Variants in PCM1 observed in about 807,000 individuals in gnomAD.
PCM1 encodes the protein pericentriolar material 1 protein.
A neutral mutation model predicts 241.9 loss-of-function variants in PCM1; 157 were observed. The observed-to-expected ratio is 0.65, with a 90% CI of 0.57 to 0.74. The LOEUF (loss-of-function observed/expected upper bound fraction) is 0.74. PCM1 is among the 30% of genes least tolerant of loss of function. The pLI is 0.00. For missense variants in PCM1, 3,478 were observed against 2,360.1 expected, an observed-to-expected ratio of 1.47 and a Z score of -9.81; for synonymous variants, 1,085 against 784.9, an observed-to-expected ratio of 1.38 and a Z score of -6.39.
Position 17,993,603 on chromosome 8 carries a change from T to A in PCM1, c.4811T>A (p.Val1604Asp), listed in dbSNP as rs780514981. 1 of 1,586,272 alleles carries A rather than the reference T, an allele frequency of 6.3e-7. No individual in the cohort carries two copies. Among genetic ancestry groups the A allele is most frequent in the Non-Finnish European group, 8.6e-7 (1 of 1,165,466 alleles). Reference sequence around the variant, plus strand: ...CAAATTAAAGCAATTATGAAAGAAGTCATTCCTTTTTTGAAGGTAAGCAAT... The same window carrying A: ...CAAATTAAAGCAATTATGAAAGAAGACATTCCTTTTTTGAAGGTAAGCAAT... ...DRQIKAIMKE[V>D]IPFLKEHMDE... The change falls in exon 29 of 39, where the codon GTC becomes GAC. Residue 1604 changes from valine to aspartate, a missense_variant. Transcript: ENST00000325083.
At chr8:18,011,881 C>G (rs1588477859) in intron 34 of PCM1, 54 bp downstream of exon 34, 1 of 1,454,328 alleles carries the variant, frequency 6.9e-7, no homozygotes. Context: ...ACTAATCAAA[C>G]TTCCATCAGC....
In PCM1 at chr8:17,974,907, A is replaced by G. The variant is rs1176101717; in HGVS notation, c.3943+2220A>G. On this transcript the variant is annotated intron_variant, in intron 23 of 38. Coordinates refer to ENST00000325083, the MANE Select transcript of PCM1 (RefSeq NM_006197.4). ...CACACACACACAAATAAAAGGCTTGATAGCAGAATCAAACTATACATAGCA... is the reference window on the plus strand; with the variant it reads ...CACACACACACAAATAAAAGGCTTGGTAGCAGAATCAAACTATACATAGCA... Among the ~76,000 whole-genome samples the G allele has an allele frequency of 2.0e-5, 3 of 152,032 alleles. No individual in the cohort carries two copies. In the South Asian group the frequency reaches 6.2e-4, roughly 32 times the overall value.
chr8:18,026,858 T>C (rs1423539715), intron 38 of PCM1, among the ~76,000 whole-genome samples: 1 of 152,230 alleles, frequency 6.6e-6, no homozygotes, highest in Admixed American at 6.5e-5. Flanking sequence ...ACCCATATTC[T>C]TACATTACTA....
At chr8:17,951,972 C>G (rs1489544906) in intron 8 of PCM1, among the ~76,000 whole-genome samples, 1 of 152,010 alleles carries the variant, frequency 6.6e-6, no homozygotes, top group Non-Finnish European at 1.5e-5. Context: ...CCTGTAATCC[C>G]AGCACTTTGG....
intron 29 of PCM1, among the ~76,000 whole-genome samples, chr8:17,995,037 C>A (rs1339419774): frequency 7.9e-5 from 12 of 151,314 alleles, no homozygotes; most frequent in Non-Finnish European, 7.4e-5. Context: ...TTGATGTGAT[C>A]CCATTTGTCT....
chr8:17,980,616 C>G lies in PCM1; in HGVS notation c.3969C>G (p.Ser1323Arg). 1.2e-6 allele frequency: 2 copies of G among 1,608,994 alleles called. No individual in the cohort carries two copies. The highest frequency in any genetic ancestry group is 1.7e-6 in the Non-Finnish European group (2 of 1,178,076). The change falls in exon 24 of 39, where the codon AGC becomes AGG. Residue 1323 changes from serine (S) to arginine (R), a missense_variant. Coordinates refer to ENST00000325083, the MANE Select transcript of PCM1 (RefSeq NM_006197.4). ...NIRYESASMSSTCEPCKSRNR... is the reference protein window; with the variant it reads ...NIRYESASMSRTCEPCKSRNR... ...GGTATGAAAGTGCCAGTATGTCTAG[C>G]ACATGTGAACCTTGCAAAAGTAGGA...
At chr8:17,987,087 C>G (rs1253982078) in intron 26 of PCM1, among the ~76,000 whole-genome samples, 1 of 151,820 alleles carries the variant, frequency 6.6e-6, no homozygotes, top group East Asian at 1.9e-4. Flanking sequence ...CCACTGGACT[C>G]TGACTCCTTT....
chr8:17,999,208 C>T (rs1265638110), intron 29 of PCM1, among the ~76,000 whole-genome samples: 1 of 152,004 alleles, frequency 6.6e-6, no homozygotes, highest in African/African-American at 2.4e-5. Flanking sequence ...TTTTCTCAAG[C>T]AGAAGGAATC....
chr8:17,990,855 C>A (rs1433711792), intron 27 of PCM1, among the ~76,000 whole-genome samples: 1 of 152,050 alleles, frequency 6.6e-6, no homozygotes, highest in African/African-American at 2.4e-5. Flanking sequence ...CTTCCTTTTG[C>A]TTATTGTAAT....
intron 17 of PCM1, among the ~76,000 whole-genome samples, chr8:17,963,900 C>A (rs1042618353): frequency 6.6e-6 from 1 of 152,038 alleles, no homozygotes; most frequent in Admixed American, 6.6e-5. Flanking sequence ...TGCACCAAGC[C>A]CTACTCTCTT....
intron 29 of PCM1, among the ~76,000 whole-genome samples, chr8:18,001,582 C>G (rs945007357): frequency 9.2e-5 from 14 of 152,300 alleles, no homozygotes; most frequent in Admixed American, 8.5e-4. Flanking sequence ...GCATTCATTA[C>G]ATTCTAATTT....
intron 24 of PCM1, 40 bp downstream of exon 24, chr8:17,980,795 T>C (rs2080454897): frequency 1.4e-6 from 2 of 1,478,900 alleles, no homozygotes; most frequent in African/African-American, 1.4e-5. Flanking sequence ...AAGGAGGTTT[T>C]CAGCTTAGAT....
At chr8:17,933,607 A>G (rs2059631962) in intron 2 of PCM1, among the ~76,000 whole-genome samples, 1 of 152,186 alleles carries the variant, frequency 6.6e-6, no homozygotes, top group Non-Finnish European at 1.5e-5. Context: ...ATAGAGTTTA[A>G]TAGTGCTTCT....
At position 17,969,630 on chromosome 8, in the gene PCM1, A is replaced by C; in HGVS notation, c.3466A>C (p.Ile1156Leu). Reference sequence around the variant, plus strand: ...TAATTTTGGAGATTTTTCTCAGAATATCTCTACACCCAGTGAACAGCAGCA... The same window carrying C: ...TAATTTTGGAGATTTTTCTCAGAATCTCTCTACACCCAGTGAACAGCAGCA... ...PSNFGDFSQN[I>L]STPSEQQQPL... Residue 1156 changes from isoleucine (I) to leucine (L), a missense_variant, in exon 22 of 39, where the codon ATC (isoleucine) becomes CTC (leucine). Ile to Leu is a conservative substitution (Grantham distance 5, BLOSUM62 2). Transcript: ENST00000325083. 2 of 1,611,998 alleles carry C rather than the reference A, an allele frequency of 1.2e-6. No individual in the cohort carries two copies. Among genetic ancestry groups the C allele is most frequent in the Non-Finnish European group, 1.7e-6 (2 of 1,178,880 alleles).
At position 17,965,994 on chromosome 8, in the gene PCM1, G is replaced by A; in HGVS notation, c.2856-5G>A. On this transcript the variant is annotated splice_region_variant and splice_polypyrimidine_tract_variant and intron_variant, in intron 18 of 38. Coordinates refer to ENST00000325083, the MANE Select transcript of PCM1 (RefSeq NM_006197.4). ...GATGACTTAATGCTTTCAATCTTGT[G>A]TTAGGTGGAAGAACAATTGCCCTTT... is the stretch of plus-strand genomic sequence containing the variant. 6.2e-7 allele frequency: 1 copy of A among 1,603,430 alleles called. No homozygotes were observed. The highest frequency in any genetic ancestry group is 8.5e-7 in the Non-Finnish European group (1 of 1,173,424).
Position 17,966,565 on chromosome 8 carries a change from A to C in PCM1, c.3221+92A>C, listed in dbSNP as rs1284793282. ...GCTTCTGGGAGAAAAGAGCAAGACC[A>C]AATTGCATATTTGGACATTCTCTTT... On this transcript the variant is annotated intron_variant, in intron 20 of 38. Transcript: ENST00000325083. The C allele has an allele frequency of 1.6e-5, 17 of 1,096,446 alleles. No homozygotes were observed. In the Middle Eastern group the frequency reaches 9.0e-4, roughly 58 times the overall value. 67.9% of individuals were successfully genotyped at this position (1,096,446 alleles called of 1,614,324 possible). A position where few individuals can be genotyped will look rare whatever the true frequency, so the allele number is the denominator to read the frequency against.
chr8:17,935,472 A>G (rs1005937623), intron 2 of PCM1, 117 bp from the exon 3 acceptor site: 6 of 594,042 alleles, frequency 1.0e-5, no homozygotes, highest in East Asian at 2.8e-5. Context: ...ACAGTGCCTC[A>G]TTTTAGTTCA....
At chr8:17,964,473 T>C in intron 17 of PCM1, 95 bp from the exon 18 acceptor site, 2 of 846,084 alleles carry the variant, frequency 2.4e-6, no homozygotes, top group South Asian at 3.7e-5. Context: ...CAGACATGTA[T>C]ATGTATGTTT....
intron 36 of PCM1, among the ~76,000 whole-genome samples, chr8:18,017,870 CA>C (rs2093372236): frequency 6.6e-6 from 1 of 151,920 alleles, no homozygotes; most frequent in Admixed American, 6.6e-5. Flanking sequence ...AAAAAGTTCC[CA>C]AGGGTTTGAC....
Sources: gnomAD v4.1 joint callset for allele counts (sites outside exome capture counted in the v4.1 genomes callset) on GRCh38, gnomAD v4.1.1 for gene constraint, MANE v1.5 for transcripts, NCBI Gene and HGNC (gene_info 2026-07-23, HGNC 2026-07-21) for gene names.